The following RNF38 variants were observed in gnomAD, a reference collection of about 807,000 sequenced individuals.
The protein encoded by RNF38 is ring finger protein 38.
RNF38 carries 15 observed loss-of-function variants against 67.2 expected under a neutral mutation model. The observed-to-expected ratio is 0.22, with a 90% CI of 0.15 to 0.34. RNF38 has a LOEUF of 0.34. RNF38 is among the 10% of genes least tolerant of loss of function. The pLI is 1.00. For synonymous variants in RNF38, 220 were observed against 218.8 expected, an observed-to-expected ratio of 1.01 and a Z score of -0.05; for missense variants, 524 against 639.9, an observed-to-expected ratio of 0.82 and a Z score of 1.95.
upstream of RNF38, chr9:36,401,219 G>T (rs1838014877): frequency 4.1e-6 from 4 of 979,590 alleles, no homozygotes; most frequent in Non-Finnish European, 4.8e-6. Flanking sequence ...GGGGCGGGGC[G>T]GGGCTGCGCG....
intron 1 of RNF38, among the ~76,000 whole-genome samples, chr9:36,427,221 TGA>T (rs926883124): frequency 2.6e-5 from 4 of 151,992 alleles, no homozygotes; most frequent in African/African-American, 9.7e-5. Context: ...AAGCAAAGCA[TGA>T]GAGAAAAGAA....
At chr9:36,444,366 C>A (rs1839256591) in intron 1 of RNF38, among the ~76,000 whole-genome samples, 1 of 152,056 alleles carries the variant, frequency 6.6e-6, no homozygotes, top group African/African-American at 2.4e-5. Context: ...GGGCTTAATA[C>A]CAAGGTGATA....
intron 1 of RNF38, among the ~76,000 whole-genome samples, chr9:36,450,321 C>A (rs1839407380): frequency 6.6e-6 from 1 of 152,074 alleles, no homozygotes; most frequent in Non-Finnish European, 1.5e-5. Context: ...CTGTAATATG[C>A]TGCCACCAGG....
At chr9:36,417,799 C>T (rs1564054941) in intron 2 of RNF38, among the ~76,000 whole-genome samples, 1 of 152,136 alleles carries the variant, frequency 6.6e-6, no homozygotes. Context: ...GCATGAGCCA[C>T]CAAACCCAGC....
At chr9:36,409,987 A>G (rs973490862) in intron 2 of RNF38, among the ~76,000 whole-genome samples, 1 of 152,216 alleles carries the variant, frequency 6.6e-6, no homozygotes, top group Non-Finnish European at 1.5e-5. Flanking sequence ...TCCTGTTGCA[A>G]TAGTGTCTTG....
chr9:36,367,279 T>C (rs1269270533), intron 4 of RNF38, among the ~76,000 whole-genome samples: 1 of 152,170 alleles, frequency 6.6e-6, no homozygotes, highest in Non-Finnish European at 1.5e-5. Flanking sequence ...GATACTTATT[T>C]TATCTAGCAC....
At chr9:36,418,816 T>G (rs1838541237) in intron 2 of RNF38, among the ~76,000 whole-genome samples, 1 of 147,598 alleles carries the variant, frequency 6.8e-6, no homozygotes, top group South Asian at 2.2e-4. Flanking sequence ...ACAAATTAGC[T>G]GGGCATGGTG....
rs1345808770 is a variant in RNF38, at chr9:36,337,059, A to C, written c.*2693T>G. ...CCACAAAAAACCCACAGCTGAGTTA[A>C]GATGGTAAAGCCAATATTATTTTAG... On this transcript the variant is annotated 3_prime_UTR_variant, in exon 12 of 12. Coordinates refer to ENST00000259605, the MANE Select transcript of RNF38 (RefSeq NM_022781.5). The C allele has an allele frequency of 1.3e-5, 2 of 152,212 alleles. No homozygotes were observed. Among genetic ancestry groups the C allele is most frequent in the Non-Finnish European group, 2.9e-5 (2 of 68,036 alleles). 9.4% of individuals were successfully genotyped at this position (152,212 alleles called of 1,614,324 possible).
intron 2 of RNF38, among the ~76,000 whole-genome samples, chr9:36,414,412 C>T (rs915882954): frequency 6.6e-6 from 1 of 152,028 alleles, no homozygotes; most frequent in Non-Finnish European, 1.5e-5. Flanking sequence ...AGATTTAGAA[C>T]TGGGCTCACG....
intron 11 of RNF38, among the ~76,000 whole-genome samples, chr9:36,341,842 AT>A (rs1832867577): frequency 4.8e-4 from 1 of 2,104 alleles, no homozygotes; most frequent in African/African-American, 1.1e-3. Context: ...ATATATATAT[AT>A]ATATATATAT....
At chr9:36,355,950 G>A (rs1012317001) in intron 6 of RNF38, among the ~76,000 whole-genome samples, 6 of 152,070 alleles carry the variant, frequency 3.9e-5, no homozygotes, top group Admixed American at 2.0e-4. Context: ...GGATTCAAGC[G>A]ATTCTCATGT....
intron 3 of RNF38, chr9:36,372,574 G>A (rs1421522257): frequency 2.8e-6 from 2 of 714,312 alleles, no homozygotes; most frequent in African/African-American, 1.8e-5. Flanking sequence ...AGAAAATCTG[G>A]CAATATGCTT....
chr9:36,401,243 G>C (rs1341905850), upstream of RNF38: 1 of 979,344 alleles, frequency 1.0e-6, no homozygotes, highest in Non-Finnish European at 1.2e-6. Flanking sequence ...CCCGGCGCAC[G>C]ACTCGGACCA....
chr9:36,385,073 T>C (rs953574399), intron 2 of RNF38, among the ~76,000 whole-genome samples: 3 of 152,150 alleles, frequency 2.0e-5, no homozygotes, highest in Non-Finnish European at 2.9e-5. Flanking sequence ...CTATGGTAGG[T>C]TGGCATTTGA....
intron 1 of RNF38, among the ~76,000 whole-genome samples, chr9:36,391,528 T>G (rs972628779): frequency 6.6e-6 from 1 of 152,150 alleles, no homozygotes; most frequent in Non-Finnish European, 1.5e-5. Context: ...TAGAGTTTCA[T>G]TGCCTCATTC....
intron 3 of RNF38, among the ~76,000 whole-genome samples, chr9:36,372,222 C>T (rs1835437154): frequency 6.6e-6 from 1 of 152,174 alleles, no homozygotes; most frequent in Non-Finnish European, 1.5e-5. Context: ...AGCCACCGCG[C>T]CCAGCTGAAT....
At chr9:36,473,739 C>T (rs1040362274) in intron 1 of RNF38, among the ~76,000 whole-genome samples, 1 of 152,056 alleles carries the variant, frequency 6.6e-6, no homozygotes, top group Admixed American at 6.6e-5. Flanking sequence ...ATAATCCCAG[C>T]ACTTTGGGAG....
At chr9:36,383,824 C>T (rs1194151471) in intron 2 of RNF38, among the ~76,000 whole-genome samples, 2 of 150,466 alleles carry the variant, frequency 1.3e-5, no homozygotes, top group Non-Finnish European at 3.0e-5. Context: ...TTTTTTTAAA[C>T]CGAAGCCCAA....
At chr9:36,482,806 C>CT (rs553640942) in intron 1 of RNF38, among the ~76,000 whole-genome samples, 64 of 152,302 alleles carry the variant, frequency 4.2e-4, no homozygotes, top group African/African-American at 1.4e-3. Flanking sequence ...CTTGAAGCCC[C>CT]TAGGGCAAGC....
Sources: allele counts gnomAD v4.1 joint callset (sites outside exome capture counted in the v4.1 genomes callset), GRCh38; gene constraint gnomAD v4.1.1; transcripts MANE v1.5; gene names NCBI Gene and HGNC (gene_info 2026-07-23, HGNC 2026-07-21).